LMCD1: variants seen among roughly 807,000 people sequenced by gnomAD.
LMCD1 encodes the protein LIM and cysteine-rich domains protein 1.
A neutral mutation model predicts 42.7 loss-of-function variants in LMCD1; 32 were observed. The observed-to-expected ratio is 0.75, with a 90% CI of 0.57 to 1.01. The LOEUF (loss-of-function observed/expected upper bound fraction) is 1.01. Ranked by LOEUF, LMCD1 falls within the 50% of genes least tolerant of loss-of-function variation. The pLI is 0.00. For synonymous variants in LMCD1, 178 were observed against 184.9 expected, an observed-to-expected ratio of 0.96 and a Z score of 0.30; for missense variants, 458 against 483.1, an observed-to-expected ratio of 0.95 and a Z score of 0.49.
At chr3:8,563,821 C>T (rs944018340) in intron 4 of LMCD1, among the ~76,000 whole-genome samples, 13 of 152,132 alleles carry the variant, frequency 8.5e-5, no homozygotes, top group East Asian at 1.9e-4. Flanking sequence ...CAAGTGAGGG[C>T]GACAGTATGT....
chr3:8,537,911 G>T (rs1331003234), intron 3 of LMCD1, among the ~76,000 whole-genome samples: 3 of 152,082 alleles, frequency 2.0e-5, no homozygotes. Context: ...GAGCCAAACT[G>T]GTTTTATATA....
At chr3:8,531,888 G>A (rs771330699) in intron 1 of LMCD1, among the ~76,000 whole-genome samples, 39 of 152,136 alleles carry the variant, frequency 2.6e-4, no homozygotes, top group Non-Finnish European at 1.3e-4. Context: ...GTACCAAGTC[G>A]TCCCCACCCC....
chr3:8,562,602 A>C (rs1440171374), intron 4 of LMCD1, among the ~76,000 whole-genome samples: 1 of 152,170 alleles, frequency 6.6e-6, no homozygotes, highest in Non-Finnish European at 1.5e-5. Flanking sequence ...CTGTGAGATA[A>C]ATAGGAATGT....
At chr3:8,565,237 T>C (rs1329188451) in intron 4 of LMCD1, among the ~76,000 whole-genome samples, 195 bp from the exon 5 acceptor site, 10 of 152,198 alleles carry the variant, frequency 6.6e-5, no homozygotes, top group Non-Finnish European at 1.3e-4. Context: ...TAACTTTATT[T>C]AGTCCTCGTG....
At chr3:8,534,601 A>G (rs1175408451) in intron 2 of LMCD1, among the ~76,000 whole-genome samples, 1 of 152,246 alleles carries the variant, frequency 6.6e-6, no homozygotes, top group Non-Finnish European at 1.5e-5. Flanking sequence ...TTTATGCTCC[A>G]GGTTTTAAAC....
intron 1 of LMCD1, among the ~76,000 whole-genome samples, chr3:8,519,730 A>G (rs541061913): frequency 1.3e-5 from 2 of 150,782 alleles, no homozygotes; most frequent in African/African-American, 4.9e-5. Context: ...AGTTTTAAAA[A>G]CATATGATAG....
chr3:8,512,772 T>G (rs1038533033), intron 1 of LMCD1, among the ~76,000 whole-genome samples: 1 of 152,208 alleles, frequency 6.6e-6, no homozygotes, highest in Non-Finnish European at 1.5e-5. Context: ...CAATTAAAAT[T>G]AACTTTTAAG....
intron 4 of LMCD1, chr3:8,549,864 C>T: frequency 1.4e-6 from 1 of 726,710 alleles, no homozygotes; most frequent in South Asian, 1.5e-5. Flanking sequence ...GTCTCTCTTC[C>T]TCTTCTTAGA....
intron 4 of LMCD1, among the ~76,000 whole-genome samples, chr3:8,560,631 C>A (rs1695017839): frequency 6.6e-6 from 1 of 152,098 alleles, no homozygotes; most frequent in African/African-American, 2.4e-5. Context: ...ACAGACAACT[C>A]ACTTTGTATT....
At position 8,537,161 on chromosome 3, in the gene LMCD1, T is replaced by A. The variant is rs535802624; in HGVS notation, c.132-24T>A. 5.0e-6 allele frequency: 8 copies of A among 1,610,190 alleles called. No individual in the cohort carries two copies. The East Asian group carries it at 1.8e-4, about 36-fold the overall frequency. On this transcript the variant is annotated intron_variant, in intron 2 of 5. Transcript: ENST00000157600. ...TCTTTTTCCTGGAGGTTAATCTCACTGGTCCCCATCCACCCACCCCCAGGA... is the reference window on the plus strand; with the variant it reads ...TCTTTTTCCTGGAGGTTAATCTCACAGGTCCCCATCCACCCACCCCCAGGA...
At chr3:8,533,162 T>A (rs2125022894) in intron 2 of LMCD1, among the ~76,000 whole-genome samples, 1 of 151,704 alleles carries the variant, frequency 6.6e-6, no homozygotes, top group Non-Finnish European at 1.5e-5. Flanking sequence ...TGCCTCGGGG[T>A]TTGGTGGATG....
At chr3:8,528,804 C>T (rs899866191) in intron 1 of LMCD1, among the ~76,000 whole-genome samples, 1 of 152,102 alleles carries the variant, frequency 6.6e-6, no homozygotes, top group Non-Finnish European at 1.5e-5. Flanking sequence ...CACCTGAAGG[C>T]AAATGCTTGA....
At chr3:8,531,194 G>A (rs1375245431) in intron 1 of LMCD1, among the ~76,000 whole-genome samples, 3 of 152,296 alleles carry the variant, frequency 2.0e-5, no homozygotes, top group Admixed American at 6.5e-5. Context: ...AAAGAGAGTA[G>A]ACTAGTAGCA....
Position 8,565,474 on chromosome 3 carries a change from G to C in LMCD1, c.766G>C (p.Val256Leu). The C allele has an allele frequency of 3.7e-6, 6 of 1,614,174 alleles. No individual in the cohort carries two copies. Among genetic ancestry groups the C allele is most frequent in the Non-Finnish European group, 5.1e-6 (6 of 1,180,034 alleles). The change falls in exon 5 of 6, where the codon GTG (valine) becomes CTG (leucine). Residue 256 changes from valine to leucine, a missense_variant. Coordinates refer to ENST00000157600, the MANE Select transcript of LMCD1 (RefSeq NM_014583.4). ...CKGAAPPDSP[V>L]VYSDRAGYNK... ...GGGAGCGGCCCCTCCTGACAGCCCC[G>C]TGGTCTACTCGGACAGGGCAGGCTA...
At chr3:8,523,511 A>G (rs1026896894) in intron 1 of LMCD1, among the ~76,000 whole-genome samples, 10 of 152,218 alleles carry the variant, frequency 6.6e-5, no homozygotes, top group African/African-American at 2.4e-4. Context: ...GATTTCTGCC[A>G]TAAAAGTGGG....
chr3:8,550,315 T>A (rs1385174500), intron 4 of LMCD1: 1 of 998,562 alleles, frequency 1.0e-6, no homozygotes, highest in Non-Finnish European at 1.2e-6. Context: ...CTATGGCAAT[T>A]AACTTTTGGA....
intron 4 of LMCD1, chr3:8,549,950 CCCT>C: frequency 9.5e-7 from 1 of 1,049,304 alleles, no homozygotes; most frequent in African/African-American, 1.6e-5. Context: ...AGGACCTGAG[CCCT>C]CACGACCCAA....
chr3:8,565,520 C>A lies in LMCD1; in HGVS notation c.812C>A (p.Thr271Asn), dbSNP rs1302064929. The change falls in exon 5 of 6, where the codon ACC (threonine) becomes AAC (asparagine). Residue 271 changes from threonine to asparagine, a missense_variant. Transcript: ENST00000157600. ...GGCTACAACAAGCAGTGGCACCCCA[C>A]CTGCTTTGTGTGTGCCAAGTGCTCC... ...RAGYNKQWHP[T>N]CFVCAKCSEP... 1 of 1,614,212 alleles carries A rather than the reference C, an allele frequency of 6.2e-7. No homozygotes were observed. Among genetic ancestry groups the A allele is most frequent in the Non-Finnish European group, 8.5e-7 (1 of 1,180,032 alleles).
chr3:8,547,968 G>A (rs530191130), intron 3 of LMCD1, among the ~76,000 whole-genome samples: 2 of 152,222 alleles, frequency 1.3e-5, no homozygotes, highest in South Asian at 4.1e-4. Flanking sequence ...ATAGCCTATT[G>A]CTCCTAGGCC....
Sources: allele counts gnomAD v4.1 joint callset (sites outside exome capture counted in the v4.1 genomes callset), GRCh38; gene constraint gnomAD v4.1.1; transcripts MANE v1.5; gene names NCBI Gene and HGNC (gene_info 2026-07-23, HGNC 2026-07-21).